Variants in BCS1L observed in about 807,000 individuals in gnomAD.
The protein encoded by BCS1L is mitochondrial chaperone BCS1.
BCS1L carries 38 observed loss-of-function variants against 49.3 expected under a neutral mutation model. The observed-to-expected ratio is 0.77, with a 90% CI of 0.59 to 1.01. The LOEUF is 1.01. BCS1L is among the 50% of genes least tolerant of loss of function. BCS1L has a pLI of 0.00. For missense variants in BCS1L, 394 were observed against 540.2 expected (o/e 0.73, Z 2.68); for synonymous variants, 193 against 210.1 (o/e 0.92, Z 0.70).
rs572015036 is a variant in BCS1L, at chr2:218,661,530, A to G, written c.445A>G (p.Asn149Asp). The G allele has an allele frequency of 1.2e-6, 2 of 1,614,154 alleles. No individual in the cohort carries two copies. Among genetic ancestry groups the G allele is most frequent in the East Asian group, 4.5e-5 (2 of 44,892 alleles). The change falls in exon 3 of 8, where the codon AAC becomes GAC. Residue 149 changes from asparagine (N) to aspartate (D), a missense_variant. Coordinates refer to ENST00000359273, the MANE Select transcript of BCS1L (RefSeq NM_001079866.2). This position sits in a 1 kb window ranked among gnomAD's most constrained non-coding sequence, Gnocchi z 5.9. ...GGGCACTGACCGAAAGGTTTTCTTC[A>G]ACATCCTGGAGGAAGGTGTGGGATG... ...ALGTDRKVFF[N>D]ILEEARELAL...
rs1156396962 is a variant in BCS1L at position 218,662,639 on chromosome 2, T to C, written c.849T>C (p.Asp283=). The C allele has an allele frequency of 6.2e-7, 1 of 1,614,092 alleles. No homozygotes were observed. Residue 283 remains aspartate, a synonymous_variant, in exon 6 of 8, where the codon GAT becomes GAC. Transcript: ENST00000359273. The surrounding 1 kb of genome is among the most constrained non-coding windows in gnomAD (Gnocchi z 5.8). ...APQQSLVLLE[D]VDAAFLSRDL... ...AGCAGAGCCTGGTACTCCTGGAGGA[T>C]GTGGATGCTGCTTTTCTCAGTCGAG...
At position 218,661,875 on chromosome 2, in the gene BCS1L, C is replaced by A. The variant is rs372926306; in HGVS notation, c.577C>A (p.Leu193Ile). Residue 193 changes from leucine (L) to isoleucine (I), a missense_variant, in exon 4 of 8, where the codon CTA (leucine) becomes ATA (isoleucine). By Grantham distance (5) the Leu-to-Ile change is conservative. Transcript: ENST00000359273. The surrounding 1 kb of genome is among the most constrained non-coding windows in gnomAD (Gnocchi z 5.9). ...CCGGCGACCACTGAATTCTGTGGTT[C>A]TACAACAGGGTCTGGCTGACCGAAT... The part of the protein sequence containing the change: ...RRRRPLNSVV[L>I]QQGLADRIVR... The A allele has an allele frequency of 6.2e-7, 1 of 1,614,210 alleles. No homozygotes were observed.
rs1430734935 is a variant in BCS1L at position 218,661,045 on chromosome 2, T to C, written c.58T>C (p.Phe20Leu). The C allele has an allele frequency of 2.1e-5, 34 of 1,614,062 alleles. No homozygotes were observed. Among genetic ancestry groups the C allele is most frequent in the Non-Finnish European group, 2.9e-5 (34 of 1,180,048 alleles). ...GGACAATCCCTACTTTGGGGCTGGA[T>C]TTGGGCTGGTGGGTGTGGGCACAGC... Reference protein sequence around the residue: ...LKDNPYFGAGFGLVGVGTALA... With the variant: ...LKDNPYFGAGLGLVGVGTALA... The change falls in exon 2 of 8, where the codon TTT becomes CTT. Residue 20 changes from phenylalanine (F) to leucine (L), a missense_variant. Physicochemically the swap from Phe to Leu is conservative, Grantham distance 22. Coordinates refer to ENST00000359273, the MANE Select transcript of BCS1L (RefSeq NM_001079866.2). This position sits in a 1 kb window ranked among gnomAD's most constrained non-coding sequence, Gnocchi z 5.9.
In BCS1L at chr2:218,660,932, C is replaced by T; in HGVS notation, c.-49-7C>T. On this transcript the variant is annotated splice_polypyrimidine_tract_variant and splice_region_variant and intron_variant, in intron 1 of 7. Coordinates refer to ENST00000359273, the MANE Select transcript of BCS1L (RefSeq NM_001079866.2). ...TTTGTCCCATCTCCACTGTTCCCCA[C>T]CCCTAGGTTTTCGTAACACCCCAGG... The T allele has an allele frequency of 1.3e-6, 2 of 1,588,358 alleles. No individual in the cohort carries two copies. The highest frequency in any genetic ancestry group is 1.7e-6 in the Non-Finnish European group (2 of 1,160,870).
rs764447616 is a variant in BCS1L at position 218,661,399 on chromosome 2, T to C, written c.321-7T>C. 1.2e-6 allele frequency: 2 copies of C among 1,614,182 alleles called. No individual in the cohort carries two copies. The highest frequency in any genetic ancestry group is 1.7e-6 in the Non-Finnish European group (2 of 1,180,038). On this transcript the variant is annotated splice_polypyrimidine_tract_variant and splice_region_variant and intron_variant, in intron 2 of 7. Transcript: ENST00000359273. This position sits in a 1 kb window ranked among gnomAD's most constrained non-coding sequence, Gnocchi z 5.9. ...TCACTCACTCAGTTTTGATCGTTCT[T>C]ATTCAGGTATCGGGGGAAATGGATT... is the stretch of plus-strand genomic sequence containing the variant.
Position 218,662,553 on chromosome 2 carries a change from A to AGCCTCAC in BCS1L, c.765_771dup (p.Asp258ProfsTer8). 1 of 1,614,108 alleles carries AGCCTCAC rather than the reference A, an allele frequency of 6.2e-7. No individual in the cohort carries two copies. On this transcript the variant is annotated frameshift_variant, in exon 6 of 8. Transcript: ENST00000359273. LOFTEE classifies it high-confidence loss of function. This position sits in a 1 kb window ranked among gnomAD's most constrained non-coding sequence, Gnocchi z 5.8. ...ACTGGAGCACAGCATCTGCCTGCTG[A>AGCCTCAC]GCCTCACGGACTCCAGCCTCTCTGA...
rs1368985722 is a variant in BCS1L at position 218,661,959 on chromosome 2, A to C, written c.655+6A>C. The C allele has an allele frequency of 6.2e-7, 1 of 1,613,752 alleles. No homozygotes were observed. On this transcript the variant is annotated splice_donor_region_variant and intron_variant, in intron 4 of 7. Transcript: ENST00000359273. This position sits in a 1 kb window ranked among gnomAD's most constrained non-coding sequence, Gnocchi z 5.9. The stretch of plus-strand genomic sequence containing the variant: ...CAAGTGGTACACTGACAGAGGTGAG[A>C]AGCAGCTGGGGTCTTGGCTGTGCTG...
At chr2:218,658,997 A>G (rs1463370242), upstream of BCS1L, 1 of 152,242 alleles carries the variant, frequency 6.6e-6, no homozygotes, top group East Asian at 1.9e-4. Flanking sequence ...TCTTGGACAG[A>G]CACAGTCGCT....
Position 218,660,967 on chromosome 2 carries a change from G to A in BCS1L, c.-21G>A, listed in dbSNP as rs373977855. 3.5e-5 allele frequency: 56 copies of A among 1,612,802 alleles called. No homozygotes were observed. In the African/African-American group the frequency reaches 5.9e-4, roughly 17 times the overall value. On this transcript the variant is annotated 5_prime_UTR_variant, in exon 2 of 8. Coordinates refer to ENST00000359273, the MANE Select transcript of BCS1L (RefSeq NM_001079866.2). ...TTCGTAACACCCCAGGGCCTGTAAGGTTTGGTGTTTCCCTTTCAAGATGCC... is the reference window on the plus strand; with the variant it reads ...TTCGTAACACCCCAGGGCCTGTAAGATTTGGTGTTTCCCTTTCAAGATGCC...
Position 218,661,433 on chromosome 2 carries a change from A to G in BCS1L, c.348A>G (p.Glu116=), listed in dbSNP as rs1285254792. ...IWYRGKWIRV[E]RSREMQMIDL... ...ATCGGGGGAAATGGATTCGGGTAGA[A>G]CGAAGTCGAGAGATGCAGATGATAG... Residue 116 remains glutamate, a synonymous_variant, in exon 3 of 8, where the codon GAA becomes GAG. Coordinates refer to ENST00000359273, the MANE Select transcript of BCS1L (RefSeq NM_001079866.2). This position sits in a 1 kb window ranked among gnomAD's most constrained non-coding sequence, Gnocchi z 5.9. The G allele has an allele frequency of 5.0e-6, 8 of 1,614,112 alleles. No homozygotes were observed. In the East Asian group the frequency reaches 1.1e-4, roughly 22 times the overall value.
At position 218,661,663 on chromosome 2, in the gene BCS1L, G is replaced by A. The variant is rs1441632770; in HGVS notation, c.461-96G>A. ...GCCGGGGTGAGCCCATGGGAACAGG[G>A]GGCCAGAAGGAAGCTGTTTGGCACA... On this transcript the variant is annotated intron_variant, in intron 3 of 7. Coordinates refer to ENST00000359273, the MANE Select transcript of BCS1L (RefSeq NM_001079866.2). This position sits in a 1 kb window ranked among gnomAD's most constrained non-coding sequence, Gnocchi z 5.9. 5.7e-6 allele frequency: 9 copies of A among 1,578,826 alleles called. No individual in the cohort carries two copies. Among genetic ancestry groups the A allele is most frequent in the Non-Finnish European group, 6.9e-6 (8 of 1,161,088 alleles).
chr2:218,659,116 T>C (rs903749185), upstream of BCS1L: 2 of 152,318 alleles, frequency 1.3e-5, no homozygotes, highest in African/African-American at 4.8e-5. The surrounding 1 kb of genome is among the most constrained non-coding windows in gnomAD (Gnocchi z 4.4). Flanking sequence ...GAAAGGCGGT[T>C]TGTAACCTGG....
chr2:218,660,672 A>G (rs1939267958), intron 1 of BCS1L: 1 of 339,270 alleles, frequency 2.9e-6, no homozygotes, highest in African/African-American at 2.1e-5. Flanking sequence ...TCCATCCATT[A>G]CCCTGATGTG....
Position 218,662,613 on chromosome 2 carries a change from C to G in BCS1L, c.823C>G (p.Gln275Glu), listed in dbSNP as rs1161248894. 2 of 1,614,106 alleles carry G rather than the reference C, an allele frequency of 1.2e-6. No homozygotes were observed. The highest frequency in any genetic ancestry group is 4.5e-5 in the East Asian group (2 of 44,894). ...CAACCACCTGCTGAGCGTGGCCCCG[C>G]AGCAGAGCCTGGTACTCCTGGAGGA... ...RLNHLLSVAPQQSLVLLEDVD... is the reference protein window; with the variant it reads ...RLNHLLSVAPEQSLVLLEDVD... The change falls in exon 6 of 8, where the codon CAG becomes GAG. Residue 275 changes from glutamine (Q) to glutamate (E), a missense_variant. By Grantham distance (29) the Gln-to-Glu change is conservative. Coordinates refer to ENST00000359273, the MANE Select transcript of BCS1L (RefSeq NM_001079866.2). The surrounding 1 kb of genome is among the most constrained non-coding windows in gnomAD (Gnocchi z 5.8).
chr2:218,662,100 T>G lies in BCS1L; in HGVS notation c.656-97T>G, dbSNP rs1575108667. On this transcript the variant is annotated intron_variant, in intron 4 of 7. Transcript: ENST00000359273. This position sits in a 1 kb window ranked among gnomAD's most constrained non-coding sequence, Gnocchi z 5.8. ...AAAAGTTGTGTATGAGAATGATTTA[T>G]TTCCGTACCAAGGTTATCAGGCTTC... The G allele has an allele frequency of 6.6e-7, 1 of 1,504,228 alleles. No homozygotes were observed. The highest frequency in any genetic ancestry group is 2.3e-5 in the East Asian group (1 of 44,282). The allele number at this position is 1,504,228 out of a possible 1,614,324, so 93.2% of individuals were successfully genotyped here.
At chr2:218,660,411 TG>T in intron 1 of BCS1L, 1 of 153,748 alleles carries the variant, frequency 6.5e-6, no homozygotes, top group Admixed American at 6.3e-5. Context: ...AGATGTTCCG[TG>T]AAGCAGGAGG....
chr2:218,663,189 T>C lies in BCS1L; in HGVS notation c.1063T>C (p.Tyr355His). Reference sequence around the variant, plus strand: ...AGTGGACCTGAAGGAGTACGTGGGCTACTGCTCACACTGGCAGCTGACCCA... The same window carrying C: ...AGTGGACCTGAAGGAGTACGTGGGCCACTGCTCACACTGGCAGCTGACCCA... ...GRVDLKEYVG[Y>H]CSHWQLTQMF... The change falls in exon 8 of 8, where the codon TAC (tyrosine) becomes CAC (histidine). Residue 355 changes from tyrosine to histidine, a missense_variant. By Grantham distance (83) the Tyr-to-His change is moderately conservative (BLOSUM62 2). Coordinates refer to ENST00000359273, the MANE Select transcript of BCS1L (RefSeq NM_001079866.2). 6.2e-7 allele frequency: 1 copy of C among 1,614,214 alleles called. No homozygotes were observed. Among genetic ancestry groups the C allele is most frequent in the Non-Finnish European group, 8.5e-7 (1 of 1,180,036 alleles).
Position 218,661,267 on chromosome 2 carries a change from A to G in BCS1L, c.280A>G (p.Lys94Glu), listed in dbSNP as rs772937517. 33 of 1,614,020 alleles carry G rather than the reference A, an allele frequency of 2.0e-5. No homozygotes were observed. The highest frequency in any genetic ancestry group is 2.6e-5 in the Non-Finnish European group (31 of 1,180,034). Residue 94 changes from lysine (K) to glutamate (E), a missense_variant, in exon 2 of 8, where the codon AAG (lysine) becomes GAG (glutamate). Physicochemically the swap from Lys to Glu is moderately conservative, Grantham distance 56. Transcript: ENST00000359273. The surrounding 1 kb of genome is among the most constrained non-coding windows in gnomAD (Gnocchi z 5.9). Reference protein sequence around the residue: ...LQHESGRISTKFEFVPSPGNH... With the variant: ...LQHESGRISTEFEFVPSPGNH... Reference sequence around the variant, plus strand: ...GCATGAGAGTGGCCGCATTTCCACTAAGTTTGAATTTGTCCCCAGCCCTGG... The same window carrying G: ...GCATGAGAGTGGCCGCATTTCCACTGAGTTTGAATTTGTCCCCAGCCCTGG...
Position 218,661,098 on chromosome 2 carries a change from A to G in BCS1L, c.111A>G (p.Gln37=), listed in dbSNP as rs371806604. ...TALALARKGV[Q]LGLVAFRRHY... ...TGGCCCTGGCCCGGAAGGGTGTCCA[A>G]CTGGGCCTGGTGGCATTCCGGCGCC... Residue 37 remains glutamine (Q), a synonymous_variant, in exon 2 of 8, where the codon CAA becomes CAG. Transcript: ENST00000359273. This position sits in a 1 kb window ranked among gnomAD's most constrained non-coding sequence, Gnocchi z 5.9. The G allele has an allele frequency of 1.6e-5, 26 of 1,614,196 alleles. No individual in the cohort carries two copies. The highest frequency in any genetic ancestry group is 8.3e-5 in the Admixed American group (5 of 60,028).
Sources: allele counts gnomAD v4.1 joint callset, GRCh38; gene constraint gnomAD v4.1.1; non-coding constraint Gnocchi (gnomAD v3.1); transcripts MANE v1.5; gene names NCBI Gene and HGNC (gene_info 2026-07-23, HGNC 2026-07-21).